Variants in TTC28 observed in about 807,000 individuals in gnomAD.
TTC28 encodes the protein tetratricopeptide repeat domain 28.
In TTC28, 61 loss-of-function variants were observed where a neutral mutation model predicts 198.0. That is an observed-to-expected ratio of 0.31 (90% CI 0.25 to 0.38). TTC28 has a LOEUF of 0.38. Ranked by LOEUF, TTC28 falls within the 10% of genes least tolerant of loss-of-function variation. TTC28 has a pLI of 1.00. For synonymous variants in TTC28, 1,171 were observed against 1,297.8 expected, an observed-to-expected ratio of 0.90 and a Z score of 2.10; for missense variants, 2,678 against 3,164.0, an observed-to-expected ratio of 0.85 and a Z score of 3.69.
intron 2 of TTC28, among the ~76,000 whole-genome samples, chr22:28,557,825 G>T (rs542638562): frequency 6.6e-6 from 1 of 152,118 alleles, no homozygotes; most frequent in East Asian, 1.9e-4. Flanking sequence ...AGGAACTATG[G>T]GCTCTATCAA....
chr22:28,544,853 G>C (rs1008376518), intron 2 of TTC28, among the ~76,000 whole-genome samples: 2 of 152,098 alleles, frequency 1.3e-5, no homozygotes, highest in African/African-American at 4.8e-5. Flanking sequence ...TCTAAAAAGG[G>C]GAGGAACCCT....
chr22:28,613,251 A>G (rs2050849617), intron 2 of TTC28, among the ~76,000 whole-genome samples: 1 of 152,208 alleles, frequency 6.6e-6, no homozygotes, highest in African/African-American at 2.4e-5. Context: ...TAAACCAAGA[A>G]GAAGTTGAAT....
At chr22:28,094,335 T>C in intron 11 of TTC28, 90 bp from the exon 12 acceptor site, 3 of 1,340,218 alleles carry the variant, frequency 2.2e-6, no homozygotes, top group East Asian at 5.3e-5. Flanking sequence ...GCCAATGGTA[T>C]GTGACTTCTT....
intron 2 of TTC28, among the ~76,000 whole-genome samples, chr22:28,450,884 A>G (rs761323848): frequency 3.3e-5 from 5 of 152,214 alleles, no homozygotes; most frequent in Non-Finnish European, 5.9e-5. Flanking sequence ...AACGAATGAC[A>G]TGAGCCCTAT....
intron 6 of TTC28, among the ~76,000 whole-genome samples, chr22:28,109,200 A>T (rs1569144472): frequency 6.6e-6 from 1 of 152,244 alleles, no homozygotes; most frequent in Non-Finnish European, 1.5e-5. Flanking sequence ...AAACATCTTA[A>T]ATGTGAAACA....
At chr22:28,388,230 C>T (rs1290984083) in intron 2 of TTC28, among the ~76,000 whole-genome samples, 1 of 152,180 alleles carries the variant, frequency 6.6e-6, no homozygotes, top group Non-Finnish European at 1.5e-5. Context: ...CAGTACCATG[C>T]TGTTTCAGTT....
At position 27,990,693 on chromosome 22, in the gene TTC28, C is replaced by A. The variant is rs1190146591; in HGVS notation, c.5577+96G>T. On this transcript the variant is annotated intron_variant, in intron 20 of 22. Coordinates refer to ENST00000397906, the MANE Select transcript of TTC28 (RefSeq NM_001145418.2). ...GCCCGTGTGGCTCCGTTTGACAGCACGTGCACCCCGAGCTCAGAGCCTGCC... is the reference window on the plus strand; with the variant it reads ...GCCCGTGTGGCTCCGTTTGACAGCAAGTGCACCCCGAGCTCAGAGCCTGCC... The A allele has an allele frequency of 2.4e-6, 3 of 1,237,348 alleles. No individual in the cohort carries two copies. The African/African-American group carries it at 4.6e-5, about 19-fold the overall frequency. 76.6% of individuals were successfully genotyped at this position (1,237,348 alleles called of 1,614,324 possible).
At chr22:28,636,911 TG>T (rs1165838308) in intron 1 of TTC28, among the ~76,000 whole-genome samples, 1 of 152,072 alleles carries the variant, frequency 6.6e-6, no homozygotes, top group East Asian at 1.9e-4. Flanking sequence ...CCTAGTTTTT[TG>T]GTGTCACATC....
intron 5 of TTC28, among the ~76,000 whole-genome samples, chr22:28,170,498 A>AAG (rs2147080535): frequency 6.6e-6 from 1 of 152,026 alleles, no homozygotes; most frequent in East Asian, 1.9e-4. Flanking sequence ...CCAAAAAAAA[A>AAG]AAAAAGAAAA....
chr22:28,098,859 C>T lies in TTC28; in HGVS notation c.3547+56G>A, dbSNP rs577809275. 2.0e-5 allele frequency: 30 copies of T among 1,525,238 alleles called. No homozygotes were observed. The African/African-American group carries it at 2.2e-4, about 11-fold the overall frequency. 94.5% of individuals were successfully genotyped at this position (1,525,238 alleles called of 1,614,324 possible). ...ACTAAACAACTTGGACACATGGACG[C>T]GCACCCGTGCGCACTAGTGCACACG... is the stretch of plus-strand genomic sequence containing the variant. On this transcript the variant is annotated intron_variant, in intron 10 of 22. Coordinates refer to ENST00000397906, the MANE Select transcript of TTC28 (RefSeq NM_001145418.2).
intron 12 of TTC28, among the ~76,000 whole-genome samples, chr22:28,071,748 G>GA (rs371615737): frequency 0.033 from 2,961 of 90,994 alleles, 49 homozygotes; most frequent in East Asian, 0.11. Context: ...AAAAAAAAAG[G>GA]AAAAAAAAAA....
chr22:28,625,366 A>C (rs2051062760), intron 2 of TTC28, among the ~76,000 whole-genome samples: 1 of 152,244 alleles, frequency 6.6e-6, no homozygotes, highest in Non-Finnish European at 1.5e-5. Flanking sequence ...TAACAGGGTC[A>C]CATGACACAA....
chr22:28,506,368 A>G (rs890289116), intron 2 of TTC28, among the ~76,000 whole-genome samples: 1 of 151,652 alleles, frequency 6.6e-6, no homozygotes, highest in African/African-American at 2.4e-5. Flanking sequence ...CAGGGGTTTC[A>G]GTCACTCCAG....
intron 2 of TTC28, among the ~76,000 whole-genome samples, chr22:28,542,436 C>T (rs2049434921): frequency 6.6e-6 from 1 of 152,044 alleles, no homozygotes. Flanking sequence ...ACCTGTAAAT[C>T]CATATATCCA....
chr22:28,199,841 G>T (rs1350036902), intron 5 of TTC28, among the ~76,000 whole-genome samples: 3 of 151,976 alleles, frequency 2.0e-5, no homozygotes, highest in African/African-American at 7.2e-5. Context: ...GAGGAAAAAT[G>T]GGAGAGGGGC....
chr22:28,216,530 C>T (rs895416666), intron 5 of TTC28, among the ~76,000 whole-genome samples: 12 of 151,880 alleles, frequency 7.9e-5, no homozygotes, highest in African/African-American at 1.5e-4. Flanking sequence ...CTTTGCTACA[C>T]GTAATTCTAG....
chr22:28,435,734 A>G (rs2047510507), intron 2 of TTC28, among the ~76,000 whole-genome samples: 1 of 152,168 alleles, frequency 6.6e-6, no homozygotes, highest in Non-Finnish European at 1.5e-5. Context: ...GACTTCCTTC[A>G]CTTCTTGTCA....
rs1289997737 is a variant in TTC28, at chr22:28,163,575, G to C, written c.958C>G (p.Leu320Val). 2 of 1,548,690 alleles carry C rather than the reference G, an allele frequency of 1.3e-6. No individual in the cohort carries two copies. The highest frequency in any genetic ancestry group is 3.9e-5 in the Admixed American group (2 of 50,852). Residue 320 changes from leucine to valine, a missense_variant, in exon 6 of 23, where the codon CTG becomes GTG. By Grantham distance (32) the Leu-to-Val change is conservative. Around this residue, in one of 8 missense-constraint regions of TTC28, gnomAD observed 775 missense variants for 845.9 expected, o/e 0.92. Coordinates refer to ENST00000397906, the MANE Select transcript of TTC28 (RefSeq NM_001145418.2). ...REAASSALSS[L>V]GHVYTAIGDY... Reference sequence around the variant, plus strand: ...CCAATGGCTGTGTACACGTGGCCCAGACTGCTCAAGGCTGATGAAGCTGCC... The same window carrying C: ...CCAATGGCTGTGTACACGTGGCCCACACTGCTCAAGGCTGATGAAGCTGCC...
intron 2 of TTC28, among the ~76,000 whole-genome samples, chr22:28,550,832 C>G (rs2049654834): frequency 6.6e-6 from 1 of 151,902 alleles, no homozygotes; most frequent in South Asian, 2.1e-4. Context: ...TTTCCAAGGA[C>G]TCATATAAAC....
Sources: gnomAD v4.1 joint callset for allele counts (sites outside exome capture counted in the v4.1 genomes callset) on GRCh38, gnomAD v4.1.1 for gene constraint, gnomAD v4.1.1 regional missense constraint, MANE v1.5 for transcripts, NCBI Gene and HGNC (gene_info 2026-07-23, HGNC 2026-07-21) for gene names.